Variants in RALYL observed in about 807,000 individuals in gnomAD.
RALYL encodes the protein RNA-binding Raly-like protein.
In RALYL, 29 loss-of-function variants were observed where a neutral mutation model predicts 35.1. The observed-to-expected ratio is 0.83, with a 90% confidence interval of 0.61 to 1.13. RALYL has a LOEUF of 1.13. Ranked by LOEUF, RALYL falls within the 50% of genes most tolerant of loss-of-function variation. The probability of loss-of-function intolerance (pLI) is 0.00; values close to 1 mark genes in which losing one functional copy is unlikely to be tolerated. For synonymous variants in RALYL, 120 were observed against 127.6 expected (o/e 0.94, Z 0.40); for missense variants, 359 against 360.4 (o/e 1.00, Z 0.03).
At chr8:84,610,111 C>T (rs1588489096) in intron 2 of RALYL, among the ~76,000 whole-genome samples, 2 of 152,072 alleles carry the variant, frequency 1.3e-5, no homozygotes, top group South Asian at 2.1e-4. Context: ...GGGACACAGC[C>T]AAACCATATT....
At chr8:84,846,373 T>G (rs1053573933) in intron 4 of RALYL, among the ~76,000 whole-genome samples, 1 of 152,192 alleles carries the variant, frequency 6.6e-6, no homozygotes, top group Non-Finnish European at 1.5e-5. Context: ...AATCAATTCC[T>G]GGGTATTTTA....
chr8:84,616,213 CA>C lies in RALYL; in HGVS notation c.256+86637del, dbSNP rs1231383632. On this transcript the variant is annotated intron_variant, in intron 2 of 8. Transcript: ENST00000521268. ...TTGAACTAGTTTACAGTCCCACCAA[CA>C]GTGTAAAAGTGTTCCTATTTCTCCA... 5.1e-4 allele frequency among the ~76,000 whole-genome samples: 19 copies of C among 37,300 alleles called. No homozygotes were observed. In the South Asian group the frequency reaches 6.2e-3, roughly 12 times the overall value. 24.5% of individuals were successfully genotyped at this position (37,300 alleles called of 152,430 possible). A position where few individuals can be genotyped will look rare whatever the true frequency, so the allele number is the denominator to read the frequency against.
intron 2 of RALYL, among the ~76,000 whole-genome samples, chr8:84,698,035 G>T (rs1839471697): frequency 6.6e-6 from 1 of 151,970 alleles, no homozygotes; most frequent in South Asian, 2.1e-4. Flanking sequence ...TCTGAATTTG[G>T]TTTCTTTGAC....
intron 2 of RALYL, among the ~76,000 whole-genome samples, chr8:84,749,617 T>C (rs1330638617): frequency 1.3e-5 from 2 of 152,018 alleles, no homozygotes; most frequent in Non-Finnish European, 2.9e-5. Flanking sequence ...CAGACAAAAA[T>C]CCACAGGACA....
At chr8:84,257,033 T>C (rs1831335205) in intron 1 of RALYL, among the ~76,000 whole-genome samples, 2 of 151,894 alleles carry the variant, frequency 1.3e-5, no homozygotes, top group East Asian at 1.9e-4. Flanking sequence ...AAATATAATA[T>C]ATTCATTAAA....
At chr8:84,490,295 T>C (rs1441665348) in intron 1 of RALYL, among the ~76,000 whole-genome samples, 1 of 151,922 alleles carries the variant, frequency 6.6e-6, no homozygotes, top group Non-Finnish European at 1.5e-5. Flanking sequence ...ATTTCAGAGC[T>C]GCCACCTGGC....
rs1346521819 is a variant in RALYL, at chr8:84,373,741, T to C, written c.-23-155558T>C. 3.9e-5 allele frequency among the ~76,000 whole-genome samples: 6 copies of C among 152,204 alleles called. No individual in the cohort carries two copies. The East Asian group carries it at 1.2e-3, about 30-fold the overall frequency. ...CATATTAATTTTAAAATACTGTTTC[T>C]CTAGTTCTGTGAAGAATGTCATTGG... On this transcript the variant is annotated intron_variant, in intron 1 of 8. Transcript: ENST00000521268.
intron 2 of RALYL, among the ~76,000 whole-genome samples, chr8:84,571,123 G>C (rs890413281): frequency 6.6e-6 from 1 of 151,544 alleles, no homozygotes; most frequent in African/African-American, 2.4e-5. Context: ...TCTGATTTTG[G>C]TATCAGGGTG....
intron 3 of RALYL, among the ~76,000 whole-genome samples, chr8:84,783,139 T>G (rs970368012): frequency 9.8e-6 from 1 of 102,308 alleles, no homozygotes; most frequent in East Asian, 2.2e-4. Flanking sequence ...GAGGGTAGCA[T>G]GAAAGAAATT....
At chr8:84,252,979 T>C (rs1186348868) in intron 1 of RALYL, among the ~76,000 whole-genome samples, 4 of 152,104 alleles carry the variant, frequency 2.6e-5, no homozygotes, top group Non-Finnish European at 5.9e-5. Context: ...TTGTAATTTA[T>C]ATTGTAGGTT....
intron 2 of RALYL, among the ~76,000 whole-genome samples, chr8:84,538,508 T>G (rs1453351931): frequency 6.6e-6 from 1 of 152,150 alleles, no homozygotes; most frequent in Non-Finnish European, 1.5e-5. Context: ...ACATTTGTTG[T>G]TTTAGATGCT....
chr8:84,343,443 A>C (rs1447905808), intron 1 of RALYL, among the ~76,000 whole-genome samples: 2 of 152,068 alleles, frequency 1.3e-5, no homozygotes, highest in African/African-American at 4.8e-5. Flanking sequence ...TACAAAATTG[A>C]AAAACTGGAA....
At chr8:84,623,156 G>A (rs1821935903) in intron 2 of RALYL, among the ~76,000 whole-genome samples, 1 of 152,146 alleles carries the variant, frequency 6.6e-6, no homozygotes, top group South Asian at 2.1e-4. Context: ...GATTAGCTCA[G>A]TTCCACTTGT....
chr8:84,377,666 A>C (rs986904071), intron 1 of RALYL, among the ~76,000 whole-genome samples: 3 of 151,602 alleles, frequency 2.0e-5, no homozygotes, highest in Non-Finnish European at 4.4e-5. Context: ...AAGAAGACTC[A>C]GTATTTTATC....
intron 2 of RALYL, among the ~76,000 whole-genome samples, chr8:84,695,858 A>T (rs1589061716): frequency 6.6e-6 from 1 of 151,884 alleles, no homozygotes. Flanking sequence ...CCCTCTCAGT[A>T]ATTCTCTCAC....
intron 1 of RALYL, among the ~76,000 whole-genome samples, chr8:84,227,358 CA>C (rs113864361): frequency 2.6e-5 from 4 of 151,166 alleles, no homozygotes; most frequent in South Asian, 2.1e-4. Context: ...ACGTCTGGCA[CA>C]AAAAAAATGT....
chr8:84,311,800 G>A (rs1842871965), intron 1 of RALYL, among the ~76,000 whole-genome samples: 1 of 152,118 alleles, frequency 6.6e-6, no homozygotes, highest in Non-Finnish European at 1.5e-5. Context: ...AAGAAGCATG[G>A]TACTGTACAT....
intron 1 of RALYL, among the ~76,000 whole-genome samples, chr8:84,342,470 A>T (rs987163888): frequency 2.0e-5 from 3 of 150,994 alleles, no homozygotes; most frequent in Admixed American, 6.6e-5. Flanking sequence ...AGAAAATGAA[A>T]ATTGAGCAAA....
Position 84,529,557 on chromosome 8 carries a change from T to G in RALYL, c.236T>G (p.Val79Gly). 6.2e-7 allele frequency: 1 copy of G among 1,607,676 alleles called. No homozygotes were observed. Among genetic ancestry groups the G allele is most frequent in the Non-Finnish European group, 8.5e-7 (1 of 1,174,612 alleles). The change falls in exon 2 of 9, where the codon GTC becomes GGC. Residue 79 changes from valine to glycine, a missense_variant. Transcript: ENST00000521268. ...RAAVAGENAR[V>G]IAGQPLDINM... is the part of the protein sequence containing the mutation. ...GCAGTGGCTGGAGAAAATGCCAGAGTCATCGCCGGCCAACCACTTGGTAAG... is the reference window on the plus strand; with the variant it reads ...GCAGTGGCTGGAGAAAATGCCAGAGGCATCGCCGGCCAACCACTTGGTAAG...
Sources: gnomAD v4.1 joint callset for allele counts (sites outside exome capture counted in the v4.1 genomes callset) on GRCh38, gnomAD v4.1.1 for gene constraint, MANE v1.5 for transcripts, NCBI Gene and HGNC (gene_info 2026-07-23, HGNC 2026-07-21) for gene names.